The following AJAP1 variants were observed in gnomAD, a reference collection of about 807,000 sequenced individuals.
AJAP1 encodes the protein adherens junction-associated protein 1.
In AJAP1, 5 loss-of-function variants were observed where a neutral mutation model predicts 35.0. The ratio of observed to expected loss-of-function variants is 0.14; its 90% CI spans 0.07 to 0.30. The LOEUF is 0.30. Ranked by LOEUF, AJAP1 falls within the 10% of genes least tolerant of loss-of-function variation. The pLI is 1.00. For missense variants in AJAP1, 586 were observed against 571.0 expected (o/e 1.03, Z -0.27); for synonymous variants, 284 against 249.3 (o/e 1.14, Z -1.31).
At chr1:4,732,919 T>C (rs1390336347) in intron 2 of AJAP1, among the ~76,000 whole-genome samples, 1 of 152,232 alleles carries the variant, frequency 6.6e-6, no homozygotes. Context: ...CGTCTCCAAA[T>C]AGACATCTTA....
chr1:4,732,290 C>T (rs1640818240), intron 2 of AJAP1, among the ~76,000 whole-genome samples: 1 of 152,280 alleles, frequency 6.6e-6, no homozygotes. Context: ...TGAGGCCAGA[C>T]AGGTTCCAGA....
intron 1 of AJAP1, among the ~76,000 whole-genome samples, chr1:4,660,211 C>G (rs1366646419): frequency 2.0e-5 from 3 of 152,232 alleles, no homozygotes; most frequent in Admixed American, 6.5e-5. Flanking sequence ...ATGGTCTAAG[C>G]CTCACTTTGG....
intron 5 of AJAP1, among the ~76,000 whole-genome samples, chr1:4,779,497 A>C (rs533761404): frequency 1.3e-5 from 2 of 152,220 alleles, no homozygotes; most frequent in East Asian, 1.9e-4. Flanking sequence ...CCTCCGGAGC[A>C]CAGCCAGACA....
chr1:4,716,318 A>G (rs868548436), intron 2 of AJAP1, among the ~76,000 whole-genome samples: 9 of 152,182 alleles, frequency 5.9e-5, no homozygotes, highest in Admixed American at 5.2e-4. Flanking sequence ...TCAGCTCATG[A>G]TTGCTGTGTA....
At position 4,774,757 on chromosome 1, in the gene AJAP1, C is replaced by A. The variant is rs147163119; in HGVS notation, c.*59+199C>A. On this transcript the variant is annotated intron_variant, in intron 5 of 5. Coordinates refer to ENST00000378191, the MANE Select transcript of AJAP1 (RefSeq NM_018836.4). ...ATGTTGGATTTGTTAGAAGTGCCCTCCCCGTCCCAGGGGAGGATAGTAACA... is the reference window on the plus strand; with the variant it reads ...ATGTTGGATTTGTTAGAAGTGCCCTACCCGTCCCAGGGGAGGATAGTAACA... 2.6e-5 allele frequency among the ~76,000 whole-genome samples: 4 copies of A among 152,190 alleles called. No individual in the cohort carries two copies. In the East Asian group the frequency reaches 7.8e-4, roughly 30 times the overall value.
chr1:4,655,555 C>G lies in AJAP1; in HGVS notation c.29+101C>G. 1 of 1,421,466 alleles carries G rather than the reference C, an allele frequency of 7.0e-7. No individual in the cohort carries two copies. The highest frequency in any genetic ancestry group is 1.3e-5 in the South Asian group (1 of 78,772). The allele number at this position is 1,421,466 out of a possible 1,614,324, so 88.1% of individuals were successfully genotyped here. ...TGTTGCAAATCAAGGGACCCCTCTT[C>G]GCTTCCCGCAAGCGGGCAACGGGGT... On this transcript the variant is annotated intron_variant, in intron 1 of 5. Coordinates refer to ENST00000378191, the MANE Select transcript of AJAP1 (RefSeq NM_018836.4). The surrounding 1 kb of genome is among the most constrained non-coding windows in gnomAD (Gnocchi z 6.9).
At chr1:4,685,578 C>T (rs549925483) in intron 1 of AJAP1, among the ~76,000 whole-genome samples, 3 of 152,188 alleles carry the variant, frequency 2.0e-5, no homozygotes, top group East Asian at 1.9e-4. Flanking sequence ...CCAATGGCAT[C>T]GACAGATCAC....
At chr1:4,721,236 C>T (rs1327595643) in intron 2 of AJAP1, among the ~76,000 whole-genome samples, 2 of 152,170 alleles carry the variant, frequency 1.3e-5, no homozygotes, top group East Asian at 1.9e-4. Flanking sequence ...GCTCTCCTGA[C>T]TCCAGGACTG....
chr1:4,712,926 T>A (rs1437927830), intron 2 of AJAP1, among the ~76,000 whole-genome samples: 1 of 152,134 alleles, frequency 6.6e-6, no homozygotes, highest in African/African-American at 2.4e-5. Flanking sequence ...AGTATGTACC[T>A]AGAAGTGGGC....
intron 2 of AJAP1, among the ~76,000 whole-genome samples, chr1:4,750,452 G>A (rs1438822100): frequency 1.3e-5 from 2 of 152,198 alleles, no homozygotes; most frequent in Non-Finnish European, 2.9e-5. Flanking sequence ...AAAATGGCTT[G>A]TGAGCCTGAA....
chr1:4,665,100 A>T (rs1030957738), intron 1 of AJAP1, among the ~76,000 whole-genome samples: 4 of 148,812 alleles, frequency 2.7e-5, no homozygotes, highest in Non-Finnish European at 5.9e-5. Flanking sequence ...CGACGCCCCC[A>T]CCCCCCTCTT....
At chr1:4,704,403 C>T (rs1377659404) in intron 1 of AJAP1, among the ~76,000 whole-genome samples, 5 of 148,148 alleles carry the variant, frequency 3.4e-5, no homozygotes, top group Non-Finnish European at 7.4e-5. Flanking sequence ...TGAGAACATG[C>T]GGTGTTTGGT....
intron 2 of AJAP1, among the ~76,000 whole-genome samples, chr1:4,745,101 C>T (rs1641160123): frequency 6.6e-6 from 1 of 152,164 alleles, no homozygotes; most frequent in Non-Finnish European, 1.5e-5. Context: ...AGCTGCTCTT[C>T]CCCTCCACAG....
chr1:4,690,182 G>A (rs1043179057), intron 1 of AJAP1, among the ~76,000 whole-genome samples: 5 of 152,178 alleles, frequency 3.3e-5, no homozygotes, highest in Non-Finnish European at 2.9e-5. Context: ...CAGGAGGCCC[G>A]AGGAGGGGAT....
Position 4,694,249 on chromosome 1 carries a change from G to A in AJAP1, c.30-17651G>A, listed in dbSNP as rs543416140. ...GATGGCCCCTAAACGATCAGATGTC[G>A]TCATAATCCCAGCCCCCCACCCCAC... is the stretch of plus-strand genomic sequence containing the variant. On this transcript the variant is annotated intron_variant, in intron 1 of 5. Transcript: ENST00000378191. Among the ~76,000 whole-genome samples the A allele has an allele frequency of 4.6e-5, 7 of 152,280 alleles. No homozygotes were observed. The South Asian group carries it at 1.2e-3, about 27-fold the overall frequency.
intron 4 of AJAP1, among the ~76,000 whole-genome samples, chr1:4,772,806 G>T (rs932770963): frequency 1.2e-4 from 18 of 152,136 alleles, no homozygotes; most frequent in African/African-American, 4.1e-4. Context: ...CCCAGCCCTC[G>T]CTCTGAACCG....
chr1:4,774,005 G>T (rs1383587337), intron 4 of AJAP1, among the ~76,000 whole-genome samples: 1 of 152,220 alleles, frequency 6.6e-6, no homozygotes, highest in Non-Finnish European at 1.5e-5. Flanking sequence ...TAGTCTCAAA[G>T]GTGACAAAAT....
chr1:4,654,723 G>C lies in AJAP1; in HGVS notation c.-703G>C, dbSNP rs1467603968. 6.8e-6 allele frequency: 1 copy of C among 146,926 alleles called. No individual in the cohort carries two copies. The highest frequency in any genetic ancestry group is 6.8e-5 in the Admixed American group (1 of 14,786). The allele number at this position is 146,926 out of a possible 1,614,324, so 9.1% of individuals were successfully genotyped here. A position where few individuals can be genotyped will look rare whatever the true frequency, so the allele number is the denominator to read the frequency against. On this transcript the variant is annotated 5_prime_UTR_variant, in exon 1 of 6. Transcript: ENST00000378191. This position sits in a 1 kb window ranked among gnomAD's most constrained non-coding sequence, Gnocchi z 5.1. ...GCCTCCTCCGCGCGGCGCCGCCGCC[G>C]CGCGTCCCCACGCCCCGCGCTCCAC...
intron 2 of AJAP1, among the ~76,000 whole-genome samples, chr1:4,725,988 G>T (rs1274976452): frequency 6.6e-6 from 1 of 152,236 alleles, no homozygotes; most frequent in Non-Finnish European, 1.5e-5. Flanking sequence ...GGAGGACATA[G>T]CTCAACCCAT....
Sources: allele counts gnomAD v4.1 joint callset (sites outside exome capture counted in the v4.1 genomes callset), GRCh38; gene constraint gnomAD v4.1.1; non-coding constraint Gnocchi (gnomAD v3.1); transcripts MANE v1.5; gene names NCBI Gene and HGNC (gene_info 2026-07-23, HGNC 2026-07-21).